Variants in HYDIN observed in about 807,000 individuals in gnomAD.
HYDIN encodes axonemal central pair apparatus protein HYDIN.
A neutral mutation model predicts 403.9 loss-of-function variants in HYDIN; 132 were observed. The ratio of observed to expected loss-of-function variants is 0.33; its 90% confidence interval spans 0.28 to 0.38. The LOEUF is 0.38. Ranked by LOEUF, HYDIN falls within the 10% of genes least tolerant of loss-of-function variation. The pLI is 1.00. For missense variants in HYDIN, 2,827 were observed against 5,009.5 expected (o/e 0.56, Z 13.15); for synonymous variants, 1,202 against 1,891.7 (o/e 0.64, Z 9.46).
At chr16:70,980,980 G>A (rs573606817) in intron 29 of HYDIN, among the ~76,000 whole-genome samples, 245 of 152,000 alleles carry the variant, frequency 1.6e-3, no homozygotes, top group African/African-American at 3.0e-3. Flanking sequence ...ATCTGTGTCC[G>A]CCTTTCTGTG....
chr16:71,188,800 T>C lies in HYDIN; in HGVS notation c.-23-1882A>G, dbSNP rs965083609. 2.6e-5 allele frequency among the ~76,000 whole-genome samples: 4 copies of C among 152,116 alleles called. No homozygotes were observed. In the South Asian group the frequency reaches 6.2e-4, roughly 24 times the overall value. On this transcript the variant is annotated intron_variant, in intron 1 of 85. Transcript: ENST00000393567. ...TGTATCAAACACTACATCCTAGTAA[T>C]AGAAAATATGCCTCCTCAATAGCAA...
intron 12 of HYDIN, among the ~76,000 whole-genome samples, chr16:71,084,428 C>A (rs1274478320): frequency 6.8e-6 from 1 of 146,136 alleles, no homozygotes; most frequent in Non-Finnish European, 1.5e-5. Flanking sequence ...ACTCTGTCAC[C>A]CAGGCTGCAG....
intron 7 of HYDIN, among the ~76,000 whole-genome samples, chr16:71,152,241 T>C (rs2085565182): frequency 6.6e-6 from 1 of 152,060 alleles, no homozygotes; most frequent in Non-Finnish European, 1.5e-5. Context: ...ATTTTTTTTT[T>C]TTTATCTTGT....
chr16:71,055,459 A>C (rs2081852055), intron 18 of HYDIN, among the ~76,000 whole-genome samples: 1 of 151,254 alleles, frequency 6.6e-6, no homozygotes, highest in Non-Finnish European at 1.5e-5. Flanking sequence ...CAGTGCAGAG[A>C]CTACTGTCAT....
At chr16:70,948,597 A>C (rs1186529896) in intron 41 of HYDIN, among the ~76,000 whole-genome samples, 4 of 151,846 alleles carry the variant, frequency 2.6e-5, no homozygotes, top group African/African-American at 7.3e-5. Flanking sequence ...TAATGAACTC[A>C]AACAAATTTA....
intron 43 of HYDIN, among the ~76,000 whole-genome samples, chr16:70,940,439 G>A (rs537295474): frequency 1.1e-4 from 16 of 151,808 alleles, no homozygotes; most frequent in Non-Finnish European, 1.8e-4. Context: ...CCAGTGCCTG[G>A]CATGTTCATA....
intron 8 of HYDIN, chr16:71,132,603 G>C (rs2084754122): frequency 1.1e-5 from 1 of 90,930 alleles, no homozygotes; most frequent in Non-Finnish European, 2.1e-5. Context: ...AAAATGCTTT[G>C]TGTGGACTGA....
At chr16:71,078,516 T>C (rs1405899364) in intron 13 of HYDIN, among the ~76,000 whole-genome samples, 1 of 152,128 alleles carries the variant, frequency 6.6e-6, no homozygotes, top group African/African-American at 2.4e-5. Flanking sequence ...TGTTTATTTG[T>C]TTTTTAGAGA....
intron 5 of HYDIN, among the ~76,000 whole-genome samples, chr16:71,171,228 T>C (rs1174576615): frequency 6.6e-6 from 1 of 152,196 alleles, no homozygotes; most frequent in Non-Finnish European, 1.5e-5. Context: ...CCTCAGATAT[T>C]TGCACGGCTT....
At chr16:71,016,216 C>T (rs993148804) in intron 23 of HYDIN, among the ~76,000 whole-genome samples, 6 of 151,946 alleles carry the variant, frequency 3.9e-5, no homozygotes. Context: ...TATTTGCAAA[C>T]CATATATCTG....
intron 73 of HYDIN, among the ~76,000 whole-genome samples, chr16:70,854,612 A>G: frequency 7.3e-6 from 1 of 136,176 alleles, no homozygotes; most frequent in Non-Finnish European, 1.6e-5. Flanking sequence ...ACGGGGTTTC[A>G]CCATGTTGGC....
chr16:71,038,983 T>C (rs2081193923), intron 18 of HYDIN, among the ~76,000 whole-genome samples: 1 of 152,226 alleles, frequency 6.6e-6, no homozygotes, highest in Non-Finnish European at 1.5e-5. Flanking sequence ...GGTCACATAG[T>C]TCTTTTCCCC....
In HYDIN at chr16:70,981,250, T is replaced by A. The variant is rs990022560; in HGVS notation, c.4510+141A>T. ...GTCGCAGTAAACTCAGGTCACCAATTTGGCAATTGCAGAATAACGTGGAAG... is the reference window on the plus strand; with the variant it reads ...GTCGCAGTAAACTCAGGTCACCAATATGGCAATTGCAGAATAACGTGGAAG... On this transcript the variant is annotated intron_variant, in intron 29 of 85. Coordinates refer to ENST00000393567, the MANE Select transcript of HYDIN (RefSeq NM_001270974.2). 4.6e-6 allele frequency: 6 copies of A among 1,316,680 alleles called. No homozygotes were observed. In the East Asian group the frequency reaches 1.0e-4, roughly 22 times the overall value. 81.6% of individuals were successfully genotyped at this position (1,316,680 alleles called of 1,614,324 possible).
At chr16:71,192,698 G>C (rs893509560) in intron 1 of HYDIN, among the ~76,000 whole-genome samples, 1 of 152,064 alleles carries the variant, frequency 6.6e-6, no homozygotes. Context: ...ACAGGTCCTC[G>C]TGCTCACTCC....
At chr16:70,992,336 A>G in intron 23 of HYDIN, 126 bp from the exon 24 acceptor site, 1 of 1,222,686 alleles carries the variant, frequency 8.2e-7, no homozygotes, top group Non-Finnish European at 1.1e-6. Flanking sequence ...TCTAGTAGGG[A>G]CCACCCTACA....
chr16:70,819,783 C>T (rs998283736), intron 83 of HYDIN, among the ~76,000 whole-genome samples: 5 of 151,394 alleles, frequency 3.3e-5, no homozygotes, highest in Non-Finnish European at 7.4e-5. Context: ...TTACTTTCAA[C>T]TTCTTTGTGT....
chr16:71,049,326 C>T (rs1163243786), intron 18 of HYDIN, among the ~76,000 whole-genome samples: 1 of 152,190 alleles, frequency 6.6e-6, no homozygotes, highest in East Asian at 1.9e-4. Flanking sequence ...ACCTTATACA[C>T]AGACTGTGCC....
intron 52 of HYDIN, among the ~76,000 whole-genome samples, chr16:70,903,132 C>T (rs1421115291): frequency 7.5e-6 from 1 of 134,032 alleles, no homozygotes; most frequent in Non-Finnish European, 1.6e-5. Context: ...TTAAAGAATG[C>T]AGGACACGTA....
intron 13 of HYDIN, 56 bp downstream of exon 13, chr16:71,079,829 C>A (rs113750806): frequency 3.9e-6 from 3 of 762,108 alleles, no homozygotes; most frequent in East Asian, 5.3e-5. Context: ...TTCCTCCTTC[C>A]ACGTAGAGAA....
Sources: allele counts gnomAD v4.1 joint callset (sites outside exome capture counted in the v4.1 genomes callset), GRCh38; gene constraint gnomAD v4.1.1; transcripts MANE v1.5; gene names NCBI Gene and HGNC (gene_info 2026-07-23, HGNC 2026-07-21).